The following ADAMTS17 variants were observed in gnomAD, a reference collection of about 807,000 sequenced individuals.
The protein encoded by ADAMTS17 is A disintegrin and metalloproteinase with thrombospondin motifs 17.
ADAMTS17 carries 113 observed loss-of-function variants against 141.5 expected under a neutral mutation model. The observed-to-expected ratio is 0.80, with a 90% CI of 0.69 to 0.93. The LOEUF is 0.93. Among genes scored for constraint, ADAMTS17 ranks in the 40% least tolerant of loss-of-function variants. The pLI, the probability that ADAMTS17 is intolerant of heterozygous loss-of-function variation, is 0.00. For missense variants in ADAMTS17, 1,659 were observed against 1,517.9 expected (o/e 1.09, Z -1.54); for synonymous variants, 768 against 630.6 (o/e 1.22, Z -3.27).
chr15:100,200,715 G>A (rs8024411), intron 7 of ADAMTS17, among the ~76,000 whole-genome samples: 39,705 of 152,148 alleles, frequency 0.26, 5,657 homozygotes, highest in East Asian at 0.41. Flanking sequence ...GGCGGATGAC[G>A]GCTAAATACA....
chr15:100,086,792 A>G (rs140609674), intron 15 of ADAMTS17, among the ~76,000 whole-genome samples: 22,347 of 144,868 alleles, frequency 0.15, 2,175 homozygotes, highest in East Asian at 0.5. Context: ...TTTGAAACCA[A>G]TGAGAACAAA....
chr15:100,046,871 C>T (rs1026695930), intron 18 of ADAMTS17, among the ~76,000 whole-genome samples: 10 of 152,076 alleles, frequency 6.6e-5, no homozygotes, highest in African/African-American at 2.4e-4. Context: ...GAAATCTGGG[C>T]ACCTTGAAAA....
At chr15:100,200,880 G>A (rs1160223652) in intron 7 of ADAMTS17, among the ~76,000 whole-genome samples, 1 of 151,918 alleles carries the variant, frequency 6.6e-6, no homozygotes, top group African/African-American at 2.4e-5. Context: ...TCCATGGGCT[G>A]TCCCTCTGTC....
At chr15:100,270,435 T>C (rs2043865874) in intron 4 of ADAMTS17, among the ~76,000 whole-genome samples, 1 of 152,168 alleles carries the variant, frequency 6.6e-6, no homozygotes, top group African/African-American at 2.4e-5. Context: ...AAACAGAGTT[T>C]AATACACCAT....
chr15:100,310,842 G>A (rs2045380522), intron 3 of ADAMTS17, among the ~76,000 whole-genome samples: 1 of 152,182 alleles, frequency 6.6e-6, no homozygotes, highest in Non-Finnish European at 1.5e-5. Context: ...TCAGCCCAAA[G>A]CCAGTTTGTG....
At chr15:100,294,547 CAA>C (rs781219628) in intron 3 of ADAMTS17, among the ~76,000 whole-genome samples, 47 of 129,268 alleles carry the variant, frequency 3.6e-4, no homozygotes, top group East Asian at 8.8e-4. Flanking sequence ...CCAGCGTGGG[CAA>C]AAAAAAAAAA....
At chr15:100,048,631 T>A (rs1365323132) in intron 18 of ADAMTS17, among the ~76,000 whole-genome samples, 1 of 141,528 alleles carries the variant, frequency 7.1e-6, no homozygotes, top group Non-Finnish European at 1.5e-5. Context: ...GAGATGTTAC[T>A]AATGGTCTCC....
intron 15 of ADAMTS17, among the ~76,000 whole-genome samples, chr15:100,077,160 C>T (rs1348811499): frequency 6.6e-6 from 1 of 151,402 alleles, no homozygotes; most frequent in Non-Finnish European, 1.5e-5. Context: ...ATGGAAAAAT[C>T]AGACTGGGCA....
chr15:100,039,128 C>G (rs1013430646), intron 18 of ADAMTS17, among the ~76,000 whole-genome samples: 1 of 152,124 alleles, frequency 6.6e-6, no homozygotes, highest in Non-Finnish European at 1.5e-5. Context: ...TAGTAATTTA[C>G]GTCTTCTTTT....
At chr15:100,331,111 T>C in intron 2 of ADAMTS17, 57 bp from the exon 3 acceptor site, 27 of 1,607,520 alleles carry the variant, frequency 1.7e-5, no homozygotes, top group Non-Finnish European at 2.2e-5. Flanking sequence ...CACACGCCCA[T>C]GGCCCCCCGG....
chr15:100,088,904 A>T (rs2035275103), intron 15 of ADAMTS17, among the ~76,000 whole-genome samples: 1 of 152,192 alleles, frequency 6.6e-6, no homozygotes, highest in South Asian at 2.1e-4. Flanking sequence ...AAACCTAGTC[A>T]TTACCATTCA....
At chr15:100,167,782 G>A (rs1454335735) in intron 8 of ADAMTS17, among the ~76,000 whole-genome samples, 1 of 152,236 alleles carries the variant, frequency 6.6e-6, no homozygotes, top group Non-Finnish European at 1.5e-5. Flanking sequence ...AAAAGGTCTT[G>A]TGAGGCTCTC....
At chr15:100,256,832 G>GCC (rs1166390978) in intron 6 of ADAMTS17, 1 of 152,606 alleles carries the variant, frequency 6.6e-6, no homozygotes, top group Non-Finnish European at 1.5e-5. Flanking sequence ...CCAAGGTGAA[G>GCC]CCCCCCCAGG....
intron 3 of ADAMTS17, chr15:100,306,082 T>C (rs773391549): frequency 1.7e-5 from 3 of 173,954 alleles, no homozygotes; most frequent in Non-Finnish European, 3.7e-5. Context: ...GTATGCTGTC[T>C]CTGAACTATG....
At chr15:100,054,167 G>T in intron 15 of ADAMTS17, 113 bp from the exon 16 acceptor site, 2 of 1,231,368 alleles carry the variant, frequency 1.6e-6, no homozygotes, top group Non-Finnish European at 2.4e-6. Flanking sequence ...CCTTCCACAG[G>T]GGGAAGGAGG....
chr15:100,083,107 G>A (rs563572026), intron 15 of ADAMTS17, among the ~76,000 whole-genome samples: 3 of 152,312 alleles, frequency 2.0e-5, no homozygotes, highest in Admixed American at 2.0e-4. Flanking sequence ...GACTTGAAGA[G>A]TAAAATGTAA....
chr15:100,243,038 C>G (rs2042874599), intron 7 of ADAMTS17, among the ~76,000 whole-genome samples: 1 of 152,226 alleles, frequency 6.6e-6, no homozygotes, highest in African/African-American at 2.4e-5. Flanking sequence ...CTCCATGAAT[C>G]TGACCACTTT....
intron 15 of ADAMTS17, among the ~76,000 whole-genome samples, chr15:100,059,950 G>C (rs1357818221): frequency 1.3e-5 from 2 of 152,200 alleles, no homozygotes; most frequent in East Asian, 1.9e-4. Context: ...GCATCAGTGA[G>C]TATCTCCAAG....
At chr15:100,098,371 C>T (rs969369350) in intron 14 of ADAMTS17, among the ~76,000 whole-genome samples, 4 of 151,872 alleles carry the variant, frequency 2.6e-5, no homozygotes, top group South Asian at 4.2e-4. Context: ...GGGGCTGGCC[C>T]GGTGCGGTGG....
Sources: gnomAD v4.1 joint callset for allele counts (sites outside exome capture counted in the v4.1 genomes callset) on GRCh38, gnomAD v4.1.1 for gene constraint, MANE v1.5 for transcripts, NCBI Gene and HGNC (gene_info 2026-07-23, HGNC 2026-07-21) for gene names.